Variants in MYO16 observed in about 807,000 individuals in gnomAD.
The protein encoded by MYO16 is myosin XVI.
Under a neutral mutation model 205.3 loss-of-function variants are expected in MYO16, and 94 were observed. The observed-to-expected ratio is 0.46, with a 90% CI of 0.39 to 0.54. The LOEUF is 0.54. Ranked by LOEUF, MYO16 falls within the 20% of genes least tolerant of loss-of-function variation. The pLI is 0.00. For synonymous variants in MYO16, 988 were observed against 954.0 expected, an observed-to-expected ratio of 1.04 and a Z score of -0.66; for missense variants, 2,315 against 2,387.5, an observed-to-expected ratio of 0.97 and a Z score of 0.63.
intron 2 of MYO16, 36 bp from the exon 3 acceptor site, chr13:108,712,623 ACT>A (rs1213660646): frequency 1.3e-6 from 2 of 1,575,624 alleles, no homozygotes; most frequent in East Asian, 2.2e-5. Flanking sequence ...TGGAAGAAGG[ACT>A]CTCTGTAACT....
At chr13:108,976,298 T>C (rs1884253600) in intron 20 of MYO16, among the ~76,000 whole-genome samples, 1 of 152,210 alleles carries the variant, frequency 6.6e-6, no homozygotes, top group African/African-American at 2.4e-5. Context: ...GTATGTTTTA[T>C]CAATTGCTGT....
the MYO16 span, among the ~76,000 whole-genome samples, chr13:108,570,339 C>T: frequency 1.3e-5 from 2 of 152,058 alleles, no homozygotes; most frequent in African/African-American, 4.8e-5. Flanking sequence ...GACTCAAACC[C>T]CTGGGCTCAA....
intron 1 of MYO16, among the ~76,000 whole-genome samples, chr13:108,641,835 C>T (rs1880516870): frequency 6.6e-6 from 1 of 152,038 alleles, no homozygotes; most frequent in Non-Finnish European, 1.5e-5. Context: ...TGTGATGTAC[C>T]CACAAAATCA....
Position 109,120,477 on chromosome 13 carries a change from T to A in MYO16, c.3535+11T>A. ...TAACCTGCCAAAAAGGTAACATTTA[T>A]ATGCCAACATTTCTGAATTTATTTG... On this transcript the variant is annotated intron_variant, in intron 29 of 34. Coordinates refer to ENST00000457511, the MANE Select transcript of MYO16 (RefSeq NM_001198950.3). The A allele has an allele frequency of 6.3e-7, 1 of 1,579,424 alleles. No individual in the cohort carries two copies. The highest frequency in any genetic ancestry group is 1.4e-5 in the African/African-American group (1 of 73,830).
At chr13:108,730,720 G>A (rs1238950700) in intron 4 of MYO16, among the ~76,000 whole-genome samples, 1 of 152,070 alleles carries the variant, frequency 6.6e-6, no homozygotes, top group African/African-American at 2.4e-5. Flanking sequence ...ACCAATCCTG[G>A]TCTCCTAAAT....
Position 108,629,634 on chromosome 13 carries a change from C to A in MYO16, c.-211C>A. On this transcript the variant is annotated 5_prime_UTR_variant, in exon 1 of 35. Transcript: ENST00000457511. Reference sequence around the variant, plus strand: ...GCACCAGTGGTGCCTCAAGACCCACCGGGGAGAGGCTTATCTTAACTCCAG... The same window carrying A: ...GCACCAGTGGTGCCTCAAGACCCACAGGGGAGAGGCTTATCTTAACTCCAG... 2 of 512,074 alleles carry A rather than the reference C, an allele frequency of 3.9e-6. No individual in the cohort carries two copies. Among genetic ancestry groups the A allele is most frequent in the South Asian group, 3.1e-5 (1 of 31,872 alleles). 31.7% of individuals were successfully genotyped at this position (512,074 alleles called of 1,614,324 possible).
rs1342928376 is a variant in MYO16, at chr13:108,653,796, T to C, written c.29-12090T>C. Reference sequence around the variant, plus strand: ...ATGCATATATATACATATATATATATGTGTGTATATATATATATATTCTTA... The same window carrying C: ...ATGCATATATATACATATATATATACGTGTGTATATATATATATATTCTTA... On this transcript the variant is annotated intron_variant, in intron 1 of 34. Transcript: ENST00000457511. Among the ~76,000 whole-genome samples the C allele has an allele frequency of 3.3e-5, 5 of 150,494 alleles. No homozygotes were observed. In the East Asian group the frequency reaches 8.4e-4, roughly 25 times the overall value.
At chr13:109,111,792 T>C (rs578242928) in intron 28 of MYO16, among the ~76,000 whole-genome samples, 3 of 152,004 alleles carry the variant, frequency 2.0e-5, no homozygotes, top group Non-Finnish European at 2.9e-5. Context: ...GTTCAAGCAA[T>C]TCTCCTGCCT....
At position 109,125,044 on chromosome 13, in the gene MYO16, T is replaced by G. The variant is rs748247571; in HGVS notation, c.3536-68T>G. 1.2e-5 allele frequency: 18 copies of G among 1,515,476 alleles called. No homozygotes were observed. The highest frequency in any genetic ancestry group is 1.6e-5 in the Non-Finnish European group (18 of 1,109,230). The allele number at this position is 1,515,476 out of a possible 1,614,324, so 93.9% of individuals were successfully genotyped here. ...TGCTCAGAGATAAGTATATTATGAT[T>G]TTTGTTTGTGCATGTCTGAGTTTTT... On this transcript the variant is annotated intron_variant, in intron 29 of 34. Coordinates refer to ENST00000457511, the MANE Select transcript of MYO16 (RefSeq NM_001198950.3). This position sits in a 1 kb window ranked among gnomAD's most constrained non-coding sequence, Gnocchi z 4.0.
At chr13:108,796,774 G>T (rs1488141567) in intron 6 of MYO16, among the ~76,000 whole-genome samples, 4 of 105,090 alleles carry the variant, frequency 3.8e-5, no homozygotes, top group Non-Finnish European at 7.9e-5. Context: ...TTGTGGGGTG[G>T]GGGGAGCGGG....
intron 23 of MYO16, among the ~76,000 whole-genome samples, chr13:109,042,618 A>G (rs2150597): frequency 0.34 from 51,579 of 152,092 alleles, 9,671 homozygotes; most frequent in East Asian, 0.83. Context: ...AAAATGTATA[A>G]GCTATTTGCA....
At chr13:109,061,749 G>A (rs901082589) in intron 27 of MYO16, among the ~76,000 whole-genome samples, 2 of 152,294 alleles carry the variant, frequency 1.3e-5, no homozygotes, top group Admixed American at 6.5e-5. Context: ...GCAAAGCAGA[G>A]AAGTGAAGTG....
intron 27 of MYO16, among the ~76,000 whole-genome samples, chr13:109,089,395 G>C (rs192512108): frequency 6.6e-6 from 1 of 151,968 alleles, no homozygotes; most frequent in Admixed American, 6.6e-5. Context: ...TGTATTTTTA[G>C]TAGAGACGGG....
intron 4 of MYO16, among the ~76,000 whole-genome samples, chr13:108,771,007 A>G (rs891470454): frequency 6.6e-6 from 1 of 152,210 alleles, no homozygotes; most frequent in African/African-American, 2.4e-5. Context: ...ATCACAATGC[A>G]ATTCCCTGTG....
rs1878419033 is a variant in MYO16, at chr13:109,162,169, T to C, written c.5165-2732T>C. Among the ~76,000 whole-genome samples the C allele has an allele frequency of 6.6e-6, 1 of 152,202 alleles. No individual in the cohort carries two copies. The highest frequency in any genetic ancestry group is 2.1e-4 in the South Asian group (1 of 4,828). ...AAATAGAAATACGTTTAAACTTTAATTGCAAAAATGAGAATTTTGGCTGCA... is the reference window on the plus strand; with the variant it reads ...AAATAGAAATACGTTTAAACTTTAACTGCAAAAATGAGAATTTTGGCTGCA... On this transcript the variant is annotated intron_variant, in intron 32 of 34. Coordinates refer to ENST00000457511, the MANE Select transcript of MYO16 (RefSeq NM_001198950.3). This position sits in a 1 kb window ranked among gnomAD's most constrained non-coding sequence, Gnocchi z 4.6.
chr13:109,011,882 A>C (rs1207542212), intron 22 of MYO16, among the ~76,000 whole-genome samples: 1 of 152,124 alleles, frequency 6.6e-6, no homozygotes, highest in Non-Finnish European at 1.5e-5. Flanking sequence ...GACACAAAGA[A>C]ATGGCCTTTA....
At position 108,629,638 on chromosome 13, in the gene MYO16, G is replaced by T; in HGVS notation, c.-207G>T. 1.9e-6 allele frequency: 1 copy of T among 518,774 alleles called. No homozygotes were observed. 32.1% of individuals were successfully genotyped at this position (518,774 alleles called of 1,614,324 possible). A position where few individuals can be genotyped will look rare whatever the true frequency, so the allele number is the denominator to read the frequency against. ...CAGTGGTGCCTCAAGACCCACCGGGGAGAGGCTTATCTTAACTCCAGCTGC... is the reference window on the plus strand; with the variant it reads ...CAGTGGTGCCTCAAGACCCACCGGGTAGAGGCTTATCTTAACTCCAGCTGC... On this transcript the variant is annotated 5_prime_UTR_variant, in exon 1 of 35. Transcript: ENST00000457511.
At chr13:108,778,298 A>C (rs1055639119) in intron 4 of MYO16, among the ~76,000 whole-genome samples, 1 of 152,164 alleles carries the variant, frequency 6.6e-6, no homozygotes, top group Non-Finnish European at 1.5e-5. Context: ...GGCGAGGAAG[A>C]CTCAGGGTGA....
intron 31 of MYO16, among the ~76,000 whole-genome samples, chr13:109,130,626 G>A (rs1371530901): frequency 6.6e-6 from 1 of 152,200 alleles, no homozygotes. Context: ...GTCTGGGTTT[G>A]TAATCCATGA....
Sources: allele counts gnomAD v4.1 joint callset (sites outside exome capture counted in the v4.1 genomes callset), GRCh38; gene constraint gnomAD v4.1.1; non-coding constraint Gnocchi (gnomAD v3.1); transcripts MANE v1.5; gene names NCBI Gene and HGNC (gene_info 2026-07-23, HGNC 2026-07-21).